Variants in FBXO2 observed in about 807,000 individuals in gnomAD.
FBXO2 encodes the protein F-box protein 2.
Under a neutral mutation model 38.6 loss-of-function variants are expected in FBXO2, and 32 were observed. That is an observed-to-expected ratio of 0.83 (90% CI 0.62 to 1.11). The LOEUF is 1.11. FBXO2 is among the 50% of genes most tolerant of loss of function. The pLI, the probability that FBXO2 is intolerant of heterozygous loss-of-function variation, is 0.00. For synonymous variants in FBXO2, 189 were observed against 182.9 expected (o/e 1.03, Z -0.27); for missense variants, 450 against 418.3 (o/e 1.08, Z -0.66).
chr1:11,649,704 G>T (rs1639480214), intron 4 of FBXO2, 75 bp downstream of exon 4: 1 of 1,499,118 alleles, frequency 6.7e-7, no homozygotes, highest in African/African-American at 1.4e-5. Context: ...CCCCAGGCGG[G>T]GGGTTCCCCA....
rs748115503 is a variant in FBXO2, at chr1:11,650,838, C to A, written c.23-4G>T. On this transcript the variant is annotated splice_polypyrimidine_tract_variant and splice_region_variant and intron_variant, in intron 1 of 5. Coordinates refer to ENST00000354287, the MANE Select transcript of FBXO2 (RefSeq NM_012168.6). ...TCCTCGGGCTGGCCCACGCTCTCTG[C>A]AGGCAGGGATGGGTGGGAGGCTGTG... 1.2e-5 allele frequency: 18 copies of A among 1,555,850 alleles called. No individual in the cohort carries two copies. Among genetic ancestry groups the A allele is most frequent in the Middle Eastern group, 2.2e-4 (1 of 4,470 alleles).
chr1:11,650,884 T>C, intron 1 of FBXO2, 50 bp from the exon 2 acceptor site: 1 of 1,547,396 alleles, frequency 6.5e-7, no homozygotes, highest in Non-Finnish European at 8.7e-7. Context: ...CCTGTACTCC[T>C]CCAGGCCCCA....
chr1:11,649,451 G>A (rs1639476605), intron 4 of FBXO2: 1 of 599,214 alleles, frequency 1.7e-6, no homozygotes, highest in Admixed American at 3.0e-5. Context: ...TACATTCCAA[G>A]TTGGCCAGAC....
At chr1:11,652,136 T>C (rs1639531636) in intron 1 of FBXO2, among the ~76,000 whole-genome samples, 1 of 152,218 alleles carries the variant, frequency 6.6e-6, no homozygotes, top group Non-Finnish European at 1.5e-5. Context: ...GGCCAGGATT[T>C]TGACTTTGCA....
rs1639503440 is a variant in FBXO2 at position 11,650,673 on chromosome 1, G to C, written c.184C>G (p.Leu62Val). 1 of 1,542,778 alleles carries C rather than the reference G, an allele frequency of 6.5e-7. No homozygotes were observed. Among genetic ancestry groups the C allele is most frequent in the African/African-American group, 1.4e-5 (1 of 72,644 alleles). ...GCCTGCACCAGCTCGGCGGCCGGCA[G>C]TGCGGCCAGCACGCGCAGCAGCAGC... ...EPLLLRVLAA[L>V]PAAELVQACR... The change falls in exon 2 of 6, where the codon CTG becomes GTG. Residue 62 changes from leucine (L) to valine (V), a missense_variant. Leu to Val is a conservative substitution (Grantham distance 32, BLOSUM62 1). Coordinates refer to ENST00000354287, the MANE Select transcript of FBXO2 (RefSeq NM_012168.6).
In FBXO2 at chr1:11,648,771, C is replaced by A. The variant is rs776286689; in HGVS notation, c.814G>T (p.Gly272Trp). The A allele has an allele frequency of 5.6e-6, 9 of 1,613,780 alleles. No individual in the cohort carries two copies. In the East Asian group the frequency reaches 1.6e-4, roughly 28 times the overall value. The change falls in exon 6 of 6, where the codon GGG (glycine) becomes TGG (tryptophan). Residue 272 changes from glycine to tryptophan, a missense_variant. Gly to Trp is a radical substitution (Grantham distance 184). Transcript: ENST00000354287. The surrounding 1 kb of genome is among the most constrained non-coding windows in gnomAD (Gnocchi z 4.2). ...TTCCAGTAGACGGAGTCCTGCCCCC[C>A]GTGCTCGAAGCGGACGAAGCGGACG... is the stretch of plus-strand genomic sequence containing the variant. Reference protein sequence around the residue: ...PGVRFVRFEHGGQDSVYWKGW... With the variant: ...PGVRFVRFEHWGQDSVYWKGW...
intron 4 of FBXO2, 172 bp from the exon 5 acceptor site, chr1:11,649,397 G>C (rs868544459): frequency 4.7e-6 from 3 of 638,218 alleles, no homozygotes; most frequent in South Asian, 3.9e-5. Context: ...AGGGAAACGA[G>C]GCCAGCAAGA....
At chr1:11,649,434 C>T (rs1169481887) in intron 4 of FBXO2, 9 of 605,086 alleles carry the variant, frequency 1.5e-5, no homozygotes, top group African/African-American at 3.7e-5. Context: ...GAGCGAAACA[C>T]GAGGACTACA....
rs892150810 is a variant in FBXO2 at position 11,654,374 on chromosome 1, G to T, written c.-34C>A. The stretch of plus-strand genomic sequence containing the variant: ...AGGGCGGTCGCGAGAGGAGGAGCCG[G>T]AGCGCTGCGGGCTGCGCGAGTCCCG... On this transcript the variant is annotated 5_prime_UTR_variant, in exon 1 of 6. Coordinates refer to ENST00000354287, the MANE Select transcript of FBXO2 (RefSeq NM_012168.6). The T allele has an allele frequency of 2.9e-6, 4 of 1,384,748 alleles. No homozygotes were observed. The highest frequency in any genetic ancestry group is 3.7e-6 in the Non-Finnish European group (4 of 1,073,196). 85.8% of individuals were successfully genotyped at this position (1,384,748 alleles called of 1,614,324 possible).
At position 11,648,585 on chromosome 1, in the gene FBXO2, G is replaced by T; in HGVS notation, c.*109C>A. The T allele has an allele frequency of 7.0e-7, 1 of 1,419,708 alleles. No individual in the cohort carries two copies. The highest frequency in any genetic ancestry group is 9.6e-7 in the Non-Finnish European group (1 of 1,040,450). The allele number at this position is 1,419,708 out of a possible 1,614,324, so 87.9% of individuals were successfully genotyped here. ...CTGGGATCGGAGCAAGGGATGGGAG[G>T]AGGATGTGTGGCTTGGGGAAGGTGA... is the stretch of plus-strand genomic sequence containing the variant. On this transcript the variant is annotated 3_prime_UTR_variant, in exon 6 of 6. Coordinates refer to ENST00000354287, the MANE Select transcript of FBXO2 (RefSeq NM_012168.6). The surrounding 1 kb of genome is among the most constrained non-coding windows in gnomAD (Gnocchi z 4.2).
rs560693746 is a variant in FBXO2, at chr1:11,650,823, G to C, written c.34C>G (p.Gln12Glu). 119 of 1,549,620 alleles carry C rather than the reference G, an allele frequency of 7.7e-5. 2 individuals carry two copies. The East Asian group carries it at 1.4e-3, about 18-fold the overall frequency. The change falls in exon 2 of 6, where the codon CAG becomes GAG. Residue 12 changes from glutamine to glutamate, a missense_variant. Physicochemically the swap from Gln to Glu is conservative, Grantham distance 29. Transcript: ENST00000354287. The stretch of plus-strand genomic sequence containing the variant: ...TCCTCCGGGCTTGCCTCCTCGGGCT[G>C]GCCCACGCTCTCTGCAGGCAGGGAT... ...DGDGDPESVG[Q>E]PEEASPEEQP...
Position 11,649,244 on chromosome 1 carries a change from C to T in FBXO2, c.618-19G>A, listed in dbSNP as rs1437369496. ...CGAGTACCTGCTCAGAGGGAGGGAGCGAGGTGGGGGGCGGGAGGTGGGGTG... is the reference window on the plus strand; with the variant it reads ...CGAGTACCTGCTCAGAGGGAGGGAGTGAGGTGGGGGGCGGGAGGTGGGGTG... On this transcript the variant is annotated intron_variant, in intron 4 of 5. Transcript: ENST00000354287. The T allele has an allele frequency of 9.7e-6, 3 of 307,968 alleles. No individual in the cohort carries two copies. The highest frequency in any genetic ancestry group is 1.6e-4 in the East Asian group (1 of 6,208). 19.1% of individuals were successfully genotyped at this position (307,968 alleles called of 1,614,324 possible).
chr1:11,651,251 C>A (rs925786514), intron 1 of FBXO2, among the ~76,000 whole-genome samples: 1 of 152,184 alleles, frequency 6.6e-6, no homozygotes, highest in Non-Finnish European at 1.5e-5. Context: ...CCCTATGACA[C>A]CCTCTCACAG....
In FBXO2 at chr1:11,649,084, C is replaced by T. The variant is rs1639470025; in HGVS notation, c.756+3G>A. 5 of 1,591,238 alleles carry T rather than the reference C, an allele frequency of 3.1e-6. No homozygotes were observed. Among genetic ancestry groups the T allele is most frequent in the Non-Finnish European group, 3.4e-6 (4 of 1,169,812 alleles). Reference sequence around the variant, plus strand: ...CCCTCCGCCCTGGGTCCCCCAGGCTCACCTCCATCCAGCCCCCGCCGTCAC... The same window carrying T: ...CCCTCCGCCCTGGGTCCCCCAGGCTTACCTCCATCCAGCCCCCGCCGTCAC... On this transcript the variant is annotated splice_donor_region_variant and intron_variant, in intron 5 of 5. Coordinates refer to ENST00000354287, the MANE Select transcript of FBXO2 (RefSeq NM_012168.6).
intron 4 of FBXO2, 176 bp downstream of exon 4, chr1:11,649,603 G>A: frequency 1.6e-6 from 1 of 627,104 alleles, no homozygotes; most frequent in South Asian, 1.9e-5. Context: ...GGGGAGGTGG[G>A]TTTCCAGGTT....
chr1:11,653,343 G>A (rs1639573287), intron 1 of FBXO2: 1 of 152,500 alleles, frequency 6.6e-6, no homozygotes, highest in South Asian at 2.1e-4. Context: ...CCGGCGGAAA[G>A]TTATCTGGCC....
In FBXO2 at chr1:11,650,728, G is replaced by GGCA. The variant is rs1232713803; in HGVS notation, c.128_129insTGC (p.Ala45dup). The stretch of plus-strand genomic sequence containing the variant: ...CGGGCAGCTCGTCCAGGTACGCGGC[G>GGCA]GCGGCCGCCGCCTCCTCCTCCTGCT... On this transcript the variant is annotated inframe_insertion, in exon 2 of 6. Coordinates refer to ENST00000354287, the MANE Select transcript of FBXO2 (RefSeq NM_012168.6). 5 of 1,528,706 alleles carry GGCA rather than the reference G, an allele frequency of 3.3e-6. No homozygotes were observed. Among genetic ancestry groups the GGCA allele is most frequent in the African/African-American group, 1.4e-5 (1 of 71,224 alleles). 94.7% of individuals were successfully genotyped at this position (1,528,706 alleles called of 1,614,324 possible). A position where few individuals can be genotyped will look rare whatever the true frequency, so the allele number is the denominator to read the frequency against.
Position 11,648,422 on chromosome 1 carries a change from T to C in FBXO2, c.*272A>G. 1 of 449,084 alleles carries C rather than the reference T, an allele frequency of 2.2e-6. No homozygotes were observed. Among genetic ancestry groups the C allele is most frequent in the Admixed American group, 3.5e-5 (1 of 28,278 alleles). The allele number at this position is 449,084 out of a possible 1,614,324, so 27.8% of individuals were successfully genotyped here. Reference sequence around the variant, plus strand: ...AAATAATATTTATTGAGAGCCCACTTTGTGGCAAGCACTGTGCTAGGTGCA... The same window carrying C: ...AAATAATATTTATTGAGAGCCCACTCTGTGGCAAGCACTGTGCTAGGTGCA... On this transcript the variant is annotated 3_prime_UTR_variant, in exon 6 of 6. Transcript: ENST00000354287. This position sits in a 1 kb window ranked among gnomAD's most constrained non-coding sequence, Gnocchi z 4.2.
intron 1 of FBXO2, 82 bp from the exon 2 acceptor site, chr1:11,650,916 C>A: frequency 6.8e-7 from 1 of 1,481,086 alleles, no homozygotes; most frequent in East Asian, 2.7e-5. Context: ...TGCCCGTAAC[C>A]TCCCCCACCC....
Sources: allele counts gnomAD v4.1 joint callset (sites outside exome capture counted in the v4.1 genomes callset), GRCh38; gene constraint gnomAD v4.1.1; non-coding constraint Gnocchi (gnomAD v3.1); transcripts MANE v1.5; gene names NCBI Gene and HGNC (gene_info 2026-07-23, HGNC 2026-07-21).